PIK3C3: variants seen among roughly 807,000 people sequenced by gnomAD.
The protein encoded by PIK3C3 is PI3-kinase type 3.
A neutral mutation model predicts 126.1 loss-of-function variants in PIK3C3; 95 were observed. The ratio of observed to expected loss-of-function variants is 0.75; its 90% CI spans 0.64 to 0.89. The LOEUF is 0.89. Ranked by LOEUF, PIK3C3 falls within the 40% of genes least tolerant of loss-of-function variation. The pLI, the probability that PIK3C3 is intolerant of heterozygous loss-of-function variation, is 0.00. For missense variants in PIK3C3, 829 were observed against 1,063.2 expected, an observed-to-expected ratio of 0.78 and a Z score of 3.06; for synonymous variants, 374 against 360.0, an observed-to-expected ratio of 1.04 and a Z score of -0.44.
chr18:42,001,632 T>G (rs1237528575), intron 9 of PIK3C3, among the ~76,000 whole-genome samples: 2 of 152,234 alleles, frequency 1.3e-5, no homozygotes, highest in African/African-American at 4.8e-5. Context: ...CATTTAACAT[T>G]AAAAAGTTGT....
intron 13 of PIK3C3, among the ~76,000 whole-genome samples, chr18:42,021,075 G>A (rs1454469229): frequency 1.3e-5 from 2 of 152,152 alleles, no homozygotes; most frequent in Non-Finnish European, 2.9e-5. Context: ...AAAAGAAAAA[G>A]TTGGAATTAA....
At chr18:41,992,352 G>A (rs191239163) in intron 6 of PIK3C3, among the ~76,000 whole-genome samples, 133 of 152,240 alleles carry the variant, frequency 8.7e-4, no homozygotes, top group African/African-American at 3.1e-3. Context: ...GTTAAACAAC[G>A]GCTGTGGGAA....
At chr18:42,040,854 T>TC (rs1039500560) in intron 19 of PIK3C3, 113 bp downstream of exon 19, 1 of 718,022 alleles carries the variant, frequency 1.4e-6, no homozygotes, top group African/African-American at 1.8e-5. Context: ...TTTTCTTTCT[T>TC]CAAGTTTTTT....
At chr18:41,957,099 A>G (rs1979816602) in intron 1 of PIK3C3, among the ~76,000 whole-genome samples, 1 of 152,186 alleles carries the variant, frequency 6.6e-6, no homozygotes, top group Non-Finnish European at 1.5e-5. Flanking sequence ...CCCAGAAGCA[A>G]TGACTTAATA....
In PIK3C3 at chr18:41,957,588, G is replaced by A; in HGVS notation, c.87G>A (p.Lys29=). The A allele has an allele frequency of 6.2e-7, 1 of 1,608,586 alleles. No homozygotes were observed. Among genetic ancestry groups the A allele is most frequent in the Non-Finnish European group, 8.5e-7 (1 of 1,178,656 alleles). ...CTTTCAGAGGAAGCTTGGAAGGGAA[G>A]AGAGAACAAAAGAGTTATAAAGCTG... ...VQLKIGSLEG[K]REQKSYKAVL... is the part of the protein sequence containing the mutation. The change falls in exon 2 of 25, where the codon AAG becomes AAA. Residue 29 remains lysine (K), a synonymous_variant. Coordinates refer to ENST00000262039, the MANE Select transcript of PIK3C3 (RefSeq NM_002647.4).
At chr18:42,010,674 C>G (rs950770380) in intron 10 of PIK3C3, among the ~76,000 whole-genome samples, 1 of 152,068 alleles carries the variant, frequency 6.6e-6, no homozygotes, top group African/African-American at 2.4e-5. Context: ...TCAAAGTTAG[C>G]CAAGAAAGTT....
intron 24 of PIK3C3, chr18:42,070,450 AT>A (rs1985726320): frequency 6.6e-6 from 1 of 152,194 alleles, no homozygotes; most frequent in East Asian, 1.9e-4. Context: ...TAAGATGCCC[AT>A]TTTGCTTGCT....
intron 4 of PIK3C3, chr18:41,985,036 G>C (rs1001879087): frequency 2.6e-5 from 4 of 152,112 alleles, no homozygotes; most frequent in African/African-American, 4.8e-5. Context: ...CTGAGAATAC[G>C]TGGGGAAAGA....
intron 19 of PIK3C3, among the ~76,000 whole-genome samples, chr18:42,043,031 AT>A (rs1567997230): frequency 2.0e-5 from 3 of 151,908 alleles, no homozygotes; most frequent in African/African-American, 7.3e-5. Flanking sequence ...GTTTTTAAAT[AT>A]ATATTCCAGA....
chr18:42,019,168 A>G (rs897206292), intron 12 of PIK3C3, among the ~76,000 whole-genome samples: 4 of 152,156 alleles, frequency 2.6e-5, no homozygotes, highest in African/African-American at 9.6e-5. Flanking sequence ...TTTCTTACAC[A>G]GAAGAAACAT....
intron 3 of PIK3C3, among the ~76,000 whole-genome samples, chr18:41,969,166 T>C (rs976067500): frequency 2.0e-5 from 3 of 150,230 alleles, no homozygotes; most frequent in African/African-American, 7.4e-5. Flanking sequence ...ATGTATGAAA[T>C]GCTTTAGATT....
At chr18:41,970,770 A>G in intron 4 of PIK3C3, 2 of 524,128 alleles carry the variant, frequency 3.8e-6, no homozygotes, top group South Asian at 5.0e-5. Context: ...AGTTCCAGGC[A>G]AGTACTAATC....
chr18:42,016,539 G>T (rs1447219404), intron 12 of PIK3C3, among the ~76,000 whole-genome samples: 1 of 152,098 alleles, frequency 6.6e-6, no homozygotes, highest in Non-Finnish European at 1.5e-5. Flanking sequence ...CCTTCATAGA[G>T]GTTATGTTCT....
At chr18:42,004,710 A>G (rs982529053) in intron 10 of PIK3C3, among the ~76,000 whole-genome samples, 169 bp downstream of exon 10, 10 of 152,208 alleles carry the variant, frequency 6.6e-5, no homozygotes, top group Admixed American at 5.2e-4. Flanking sequence ...AAGGAAAATT[A>G]AAATATGCCT....
At chr18:41,961,037 C>T (rs533254386) in intron 2 of PIK3C3, among the ~76,000 whole-genome samples, 23 of 152,036 alleles carry the variant, frequency 1.5e-4, no homozygotes, top group Non-Finnish European at 2.4e-4. Flanking sequence ...AACTCTTCTG[C>T]AGAAGCCTCG....
In PIK3C3 at chr18:41,995,956, G is replaced by A. The variant is rs777970706; in HGVS notation, c.853G>A (p.Asp285Asn). 3.7e-6 allele frequency: 6 copies of A among 1,612,516 alleles called. No individual in the cohort carries two copies. Among genetic ancestry groups the A allele is most frequent in the Admixed American group, 1.7e-5 (1 of 59,918 alleles). ...TTTAAGAAGTGGACCTTCTGACCAC[G>A]ATCTGAAACCCAATGCTGCCACGAG... is the stretch of plus-strand genomic sequence containing the variant. ...RSLRSGPSDH[D>N]LKPNAATRDQ... The change falls in exon 8 of 25, where the codon GAT (aspartate) becomes AAT (asparagine). Residue 285 changes from aspartate to asparagine, a missense_variant. Physicochemically the swap from Asp to Asn is conservative, Grantham distance 23. Coordinates refer to ENST00000262039, the MANE Select transcript of PIK3C3 (RefSeq NM_002647.4).
chr18:42,078,099 C>T (rs934844103), intron 24 of PIK3C3, among the ~76,000 whole-genome samples: 5 of 152,020 alleles, frequency 3.3e-5, no homozygotes, highest in East Asian at 1.9e-4. Context: ...GTAAACCGGC[C>T]GGGCGCGGTG....
rs1598971835 is a variant in PIK3C3 at position 42,086,648 on chromosome 18, G to A, written c.*5511G>A. On this transcript the variant is annotated 3_prime_UTR_variant, in exon 25 of 25. Transcript: ENST00000262039. ...GTTATAATGCATTGACATGCTAAGAGACACTCCCACCAGCACCATGACAGT... is the reference window on the plus strand; with the variant it reads ...GTTATAATGCATTGACATGCTAAGAAACACTCCCACCAGCACCATGACAGT... 6.6e-6 allele frequency: 1 copy of A among 152,276 alleles called. No individual in the cohort carries two copies. 9.4% of individuals were successfully genotyped at this position (152,276 alleles called of 1,614,324 possible).
At chr18:41,987,677 C>T (rs1981555249) in intron 4 of PIK3C3, 135 bp from the exon 5 acceptor site, 1 of 483,736 alleles carries the variant, frequency 2.1e-6, no homozygotes. Context: ...AGTTTCTTAT[C>T]CTGCTAATTG....
Sources: gnomAD v4.1 joint callset for allele counts (sites outside exome capture counted in the v4.1 genomes callset) on GRCh38, gnomAD v4.1.1 for gene constraint, MANE v1.5 for transcripts, NCBI Gene and HGNC (gene_info 2026-07-23, HGNC 2026-07-21) for gene names.